TRIM2: variants seen among roughly 807,000 people sequenced by gnomAD.
TRIM2 encodes tripartite motif containing 2.
A neutral mutation model predicts 75.2 loss-of-function variants in TRIM2; 20 were observed. The observed-to-expected ratio is 0.27, with a 90% CI of 0.19 to 0.39. The LOEUF (loss-of-function observed/expected upper bound fraction) is 0.39. TRIM2 is among the 10% of genes least tolerant of loss of function. TRIM2 has a pLI of 1.00. For missense variants in TRIM2, 660 were observed against 990.8 expected (o/e 0.67, Z 4.48); for synonymous variants, 373 against 388.3 (o/e 0.96, Z 0.46).
rs750482135 is a variant in TRIM2 at position 153,336,500 on chromosome 4, T to C, written c.*1534T>C. Reference sequence around the variant, plus strand: ...TCAATCGTTCATCTGTCATTGGTACTGTAAAATAAGCTGTGGTCTATTTCC... The same window carrying C: ...TCAATCGTTCATCTGTCATTGGTACCGTAAAATAAGCTGTGGTCTATTTCC... On this transcript the variant is annotated 3_prime_UTR_variant, in exon 12 of 12. Coordinates refer to ENST00000338700, the MANE Select transcript of TRIM2 (RefSeq NM_015271.5). 8.1e-5 allele frequency: 80 copies of C among 985,758 alleles called. No homozygotes were observed. Among genetic ancestry groups the C allele is most frequent in the Non-Finnish European group, 9.5e-5 (79 of 829,942 alleles). The allele number at this position is 985,758 out of a possible 1,614,324, so 61.1% of individuals were successfully genotyped here. A position where few individuals can be genotyped will look rare whatever the true frequency, so the allele number is the denominator to read the frequency against.
chr4:153,169,445 G>A (rs1730629445), intron 1 of TRIM2, among the ~76,000 whole-genome samples: 1 of 152,186 alleles, frequency 6.6e-6, no homozygotes, highest in Admixed American at 6.5e-5. Context: ...ATTATTCCAA[G>A]ATAAACTGTG....
rs772795087 is a variant in TRIM2, at chr4:153,275,983, C to T, written c.306C>T (p.Ala102=). The change falls in exon 3 of 12, where the codon GCC becomes GCT. Residue 102 remains alanine, a synonymous_variant. Coordinates refer to ENST00000338700, the MANE Select transcript of TRIM2 (RefSeq NM_015271.5). Reference sequence around the variant, plus strand: ...CCATCCTGCCCGAGAAAGGGGTGGCCGCGCTCCAGAACAATTTCTTCATCA... The same window carrying T: ...CCATCCTGCCCGAGAAAGGGGTGGCTGCGCTCCAGAACAATTTCTTCATCA... ...QTSILPEKGV[A]ALQNNFFITN... The T allele has an allele frequency of 3.7e-6, 6 of 1,614,054 alleles. No homozygotes were observed. Among genetic ancestry groups the T allele is most frequent in the African/African-American group, 1.3e-5 (1 of 74,924 alleles).
At chr4:153,230,950 C>T (rs1267595085) in intron 1 of TRIM2, among the ~76,000 whole-genome samples, 1 of 152,218 alleles carries the variant, frequency 6.6e-6, no homozygotes, top group Non-Finnish European at 1.5e-5. Flanking sequence ...ATAATTCCAT[C>T]TTATCTTGAC....
intron 10 of TRIM2, 57 bp from the exon 11 acceptor site, chr4:153,328,473 C>T: frequency 4.8e-6 from 7 of 1,461,942 alleles, no homozygotes; most frequent in Non-Finnish European, 5.6e-6. Flanking sequence ...TTTAATCCAT[C>T]ATGTTGGTTC....
In TRIM2 at chr4:153,248,792, C is replaced by G. The variant is rs1173292089; in HGVS notation, c.31-21543C>G. Among the ~76,000 whole-genome samples the G allele has an allele frequency of 1.3e-5, 2 of 152,228 alleles. No individual in the cohort carries two copies. The highest frequency in any genetic ancestry group is 4.8e-5 in the African/African-American group (2 of 41,462). On this transcript the variant is annotated intron_variant, in intron 1 of 11. Coordinates refer to ENST00000338700, the MANE Select transcript of TRIM2 (RefSeq NM_015271.5). This position sits in a 1 kb window ranked among gnomAD's most constrained non-coding sequence, Gnocchi z 4.0. The stretch of plus-strand genomic sequence containing the variant: ...TTCTGGTAACATGTTGGAGGGGCAG[C>G]CTTCTGAGGATGGTGTCAGATTCCC...
At chr4:153,207,651 T>G (rs1306146751) in intron 1 of TRIM2, among the ~76,000 whole-genome samples, 1 of 152,214 alleles carries the variant, frequency 6.6e-6, no homozygotes, top group African/African-American at 2.4e-5. Context: ...CAAATGTCTC[T>G]CTGATTTACT....
chr4:153,193,795 C>T (rs537164023), intron 1 of TRIM2, among the ~76,000 whole-genome samples: 4 of 152,120 alleles, frequency 2.6e-5, no homozygotes, highest in African/African-American at 7.2e-5. Context: ...GGGCGAGCCA[C>T]GGAGAGCTTT....
intron 1 of TRIM2, among the ~76,000 whole-genome samples, chr4:153,244,211 T>C (rs1331152797): frequency 2.8e-5 from 4 of 140,680 alleles, no homozygotes; most frequent in African/African-American, 8.5e-5. Context: ...CTTTTCCTTC[T>C]CCTTCCTCTT....
intron 6 of TRIM2, among the ~76,000 whole-genome samples, chr4:153,305,163 A>T (rs1467581515): frequency 1.3e-5 from 2 of 152,216 alleles, no homozygotes; most frequent in Non-Finnish European, 2.9e-5. Context: ...TAGATAGTTA[A>T]GGCTGTGAAC....
At chr4:153,244,209 TCTC>T (rs1361294258) in intron 1 of TRIM2, among the ~76,000 whole-genome samples, 1 of 133,582 alleles carries the variant, frequency 7.5e-6, no homozygotes. Flanking sequence ...TCCTTTTCCT[TCTC>T]CTTCCTCTTC....
At chr4:153,267,948 G>A (rs1755694246) in intron 1 of TRIM2, among the ~76,000 whole-genome samples, 1 of 152,196 alleles carries the variant, frequency 6.6e-6, no homozygotes, top group Admixed American at 6.5e-5. Flanking sequence ...ACTCAAACCA[G>A]TCTCTCTGAG....
Position 153,295,794 on chromosome 4 carries a change from AGAAG to A in TRIM2, c.1274_1277del (p.Glu425GlyfsTer7). On this transcript the variant is annotated frameshift_variant, in exon 6 of 12. Coordinates refer to ENST00000338700, the MANE Select transcript of TRIM2 (RefSeq NM_015271.5). LOFTEE classifies it high-confidence loss of function. This position sits in a 1 kb window ranked among gnomAD's most constrained non-coding sequence, Gnocchi z 7.2. ...ACCTATGAGTTTTTGTACACTGTCC[AGAAG>A]GAAGGGGACTTTACCCTGTCTCTGA... The A allele has an allele frequency of 6.2e-7, 1 of 1,614,116 alleles. No homozygotes were observed. The highest frequency in any genetic ancestry group is 8.5e-7 in the Non-Finnish European group (1 of 1,180,006).
At chr4:153,207,160 C>A (rs183902638) in intron 1 of TRIM2, among the ~76,000 whole-genome samples, 1 of 152,328 alleles carries the variant, frequency 6.6e-6, no homozygotes, top group East Asian at 1.9e-4. Context: ...ATTCACACTT[C>A]AGGTCACTTA....
At chr4:153,241,554 G>T (rs72965060) in intron 1 of TRIM2, among the ~76,000 whole-genome samples, 1 of 152,278 alleles carries the variant, frequency 6.6e-6, no homozygotes. Flanking sequence ...AGTCAGGAGG[G>T]TTAGGAAGGC....
chr4:153,226,898 C>T (rs1742273346), intron 1 of TRIM2, among the ~76,000 whole-genome samples: 1 of 152,244 alleles, frequency 6.6e-6, no homozygotes, highest in Non-Finnish European at 1.5e-5. Context: ...CCCCAGTCTG[C>T]TAGCCAACAA....
chr4:153,219,298 A>G (rs2149743325), intron 1 of TRIM2, among the ~76,000 whole-genome samples: 1 of 152,266 alleles, frequency 6.6e-6, no homozygotes, highest in Non-Finnish European at 1.5e-5. Flanking sequence ...CCGCCAGAAA[A>G]AAACCTACCA....
rs142242737 is a variant in TRIM2, at chr4:153,295,453, C to T, written c.927C>T (p.Asn309=). 134 of 1,614,104 alleles carry T rather than the reference C, an allele frequency of 8.3e-5. No individual in the cohort carries two copies. Among genetic ancestry groups the T allele is most frequent in the Admixed American group, 2.7e-4 (16 of 60,016 alleles). The change falls in exon 6 of 12, where the codon AAC becomes AAT. Residue 309 remains asparagine (N), a synonymous_variant. Coordinates refer to ENST00000338700, the MANE Select transcript of TRIM2 (RefSeq NM_015271.5). The surrounding 1 kb of genome is among the most constrained non-coding windows in gnomAD (Gnocchi z 7.2). ...AGAAGCAGATGAGCGAGAAGCTGAA[C>T]GAGCTGGCCGACCAGGACTTCCCCT... is the stretch of plus-strand genomic sequence containing the variant. ...LVKKQMSEKL[N]ELADQDFPLH...
intron 1 of TRIM2, among the ~76,000 whole-genome samples, chr4:153,260,947 A>T (rs950296438): frequency 1.3e-5 from 2 of 152,196 alleles, no homozygotes; most frequent in Admixed American, 6.5e-5. Context: ...CTGAAATTTT[A>T]AAAATTAAGA....
At chr4:153,160,329 G>A (rs537076925) in intron 1 of TRIM2, among the ~76,000 whole-genome samples, 2 of 152,184 alleles carry the variant, frequency 1.3e-5, no homozygotes, top group African/African-American at 2.4e-5. Flanking sequence ...AAGCTTCAAG[G>A]TTCTAGAAAT....
Sources: gnomAD v4.1 joint callset for allele counts (sites outside exome capture counted in the v4.1 genomes callset) on GRCh38, gnomAD v4.1.1 for gene constraint, Gnocchi (gnomAD v3.1) non-coding constraint, MANE v1.5 for transcripts, NCBI Gene and HGNC (gene_info 2026-07-23, HGNC 2026-07-21) for gene names.